MBNL2: variants seen among roughly 807,000 people sequenced by gnomAD.
MBNL2 encodes muscleblind like splicing regulator 2.
Under a neutral mutation model 41.9 loss-of-function variants are expected in MBNL2, and 17 were observed. The ratio of observed to expected loss-of-function variants is 0.41; its 90% CI spans 0.28 to 0.61. MBNL2 has a LOEUF of 0.61. MBNL2 is among the 20% of genes least tolerant of loss of function. MBNL2 has a pLI of 0.35. For missense variants in MBNL2, 336 were observed against 505.6 expected, an observed-to-expected ratio of 0.66 and a Z score of 3.22; for synonymous variants, 195 against 182.9, an observed-to-expected ratio of 1.07 and a Z score of -0.53.
chr13:97,187,625 AGG>A, the MBNL2 span, among the ~76,000 whole-genome samples: 1 of 132,474 alleles, frequency 7.5e-6, no homozygotes, highest in Non-Finnish European at 1.6e-5. Flanking sequence ...AAAAAAAAAG[AGG>A]CCGGGCGCGG....
In MBNL2 at chr13:97,270,869, T is replaced by C. The variant is rs574007550; in HGVS notation, c.-604-4763T>C. On this transcript the variant is annotated intron_variant, in intron 1 of 8. Transcript: ENST00000679496. ...ATCTAACCTAGCTCAAGTGGCTCTC[T>C]CCCTTTTCCCCACATCTGCCTGCCT... Among the ~76,000 whole-genome samples the C allele has an allele frequency of 3.7e-3, 556 of 152,298 alleles. 6 individuals are homozygous for C. Among genetic ancestry groups the C allele is most frequent in the African/African-American group, 0.013 (538 of 41,568 alleles).
intron 7 of MBNL2, among the ~76,000 whole-genome samples, chr13:97,363,252 T>C (rs1594268921): frequency 2.0e-5 from 3 of 152,058 alleles, no homozygotes; most frequent in African/African-American, 7.2e-5. Flanking sequence ...TACACAAACA[T>C]GGAAGCTCCT....
chr13:97,219,867 A>G (rs370539365), upstream of MBNL2, among the ~76,000 whole-genome samples: 22 of 152,344 alleles, frequency 1.4e-4, no homozygotes, highest in African/African-American at 5.1e-4. Context: ...TATTCAGGAG[A>G]CCAGTTAAGG....
intron 1 of MBNL2, among the ~76,000 whole-genome samples, chr13:97,274,807 T>A (rs1164742688): frequency 6.6e-6 from 1 of 152,226 alleles, no homozygotes; most frequent in Non-Finnish European, 1.5e-5. Flanking sequence ...ACATCTGAAC[T>A]TACTGACTAT....
chr13:97,143,174 C>A, the MBNL2 span, among the ~76,000 whole-genome samples: 8 of 152,226 alleles, frequency 5.3e-5, no homozygotes, highest in Non-Finnish European at 7.3e-5. Flanking sequence ...AGGAAGAATT[C>A]TCTAGTTGTA....
intron 1 of MBNL2, among the ~76,000 whole-genome samples, chr13:97,243,322 C>G (rs2152816985): frequency 6.6e-6 from 1 of 152,306 alleles, no homozygotes; most frequent in East Asian, 1.9e-4. Flanking sequence ...AAGTGAGTAG[C>G]CAGCATGTGT....
chr13:97,181,841 T>G, the MBNL2 span, among the ~76,000 whole-genome samples: 2 of 152,196 alleles, frequency 1.3e-5, no homozygotes, highest in Non-Finnish European at 2.9e-5. Context: ...TTATGTCCAA[T>G]GAGCTACTTG....
chr13:97,269,299 G>T (rs1199046056), intron 1 of MBNL2, among the ~76,000 whole-genome samples: 2 of 152,200 alleles, frequency 1.3e-5, no homozygotes, highest in East Asian at 1.9e-4. Flanking sequence ...CCTGTTCCCA[G>T]TGCAGCCTAG....
At chr13:97,161,241 A>G in the MBNL2 span, among the ~76,000 whole-genome samples, 2 of 152,206 alleles carry the variant, frequency 1.3e-5, no homozygotes, top group Admixed American at 1.3e-4. Flanking sequence ...GCTGGAGTGC[A>G]TACTCTGGTG....
At chr13:97,144,354 C>T in the MBNL2 span, among the ~76,000 whole-genome samples, 1 of 151,250 alleles carries the variant, frequency 6.6e-6, no homozygotes, top group Admixed American at 6.6e-5. Flanking sequence ...AGGACTATAA[C>T]CATGTTATCC....
At chr13:97,244,352 C>T (rs2044988018) in intron 1 of MBNL2, among the ~76,000 whole-genome samples, 1 of 152,170 alleles carries the variant, frequency 6.6e-6, no homozygotes, top group African/African-American at 2.4e-5. Context: ...AACAAATTGA[C>T]GGATGCAGAG....
chr13:97,349,658 G>A (rs970599158), intron 5 of MBNL2, among the ~76,000 whole-genome samples: 59 of 152,198 alleles, frequency 3.9e-4, no homozygotes, highest in Admixed American at 2.0e-4. Context: ...CTCCCGAGGA[G>A]CTGGGACCAC....
rs34820289 is a variant in MBNL2, at chr13:97,334,148, CCACACA to C, written c.175-105_175-100del. 64 of 547,192 alleles carry C rather than the reference CCACACA, an allele frequency of 1.2e-4. No individual in the cohort carries two copies. The highest frequency in any genetic ancestry group is 4.3e-4 in the Middle Eastern group (1 of 2,324). 33.9% of individuals were successfully genotyped at this position (547,192 alleles called of 1,614,324 possible). A position where few individuals can be genotyped will look rare whatever the true frequency, so the allele number is the denominator to read the frequency against. On this transcript the variant is annotated intron_variant, in intron 2 of 8. Coordinates refer to ENST00000679496, the MANE Select transcript of MBNL2 (RefSeq NM_001382683.1). The surrounding 1 kb of genome is among the most constrained non-coding windows in gnomAD (Gnocchi z 5.3). ...AACACATGAGCATGCGCGCGCACAC[CCACACA>C]CACACACACACACACACACACAGGA...
the MBNL2 span, among the ~76,000 whole-genome samples, chr13:97,180,546 G>C: frequency 0.096 from 14,499 of 151,786 alleles, 758 homozygotes; most frequent in South Asian, 0.17. Flanking sequence ...CCCAGCCTAG[G>C]CAACATGGTG....
the MBNL2 span, among the ~76,000 whole-genome samples, chr13:97,165,705 C>T: frequency 6.6e-6 from 1 of 152,198 alleles, no homozygotes; most frequent in Non-Finnish European, 1.5e-5. Flanking sequence ...CCCTAACATC[C>T]AGGACACTCC....
At chr13:97,386,403 A>T (rs1278753671) in intron 8 of MBNL2, among the ~76,000 whole-genome samples, 2 of 152,250 alleles carry the variant, frequency 1.3e-5, no homozygotes, top group African/African-American at 4.8e-5. Context: ...TTGGCAAATG[A>T]AAAGGTCAAG....
intron 8 of MBNL2, among the ~76,000 whole-genome samples, chr13:97,371,272 G>A (rs1190514200): frequency 6.6e-6 from 1 of 151,720 alleles, no homozygotes; most frequent in Non-Finnish European, 1.5e-5. Flanking sequence ...ATTCTTAAAG[G>A]CACAATTAAA....
intron 2 of MBNL2, among the ~76,000 whole-genome samples, chr13:97,309,614 G>A (rs1369703889): frequency 6.6e-6 from 1 of 152,126 alleles, no homozygotes; most frequent in African/African-American, 2.4e-5. Flanking sequence ...AGGGAATAAG[G>A]TTCTGTTGTT....
the MBNL2 span, among the ~76,000 whole-genome samples, chr13:97,168,550 T>C: frequency 6.6e-6 from 1 of 152,228 alleles, no homozygotes; most frequent in Non-Finnish European, 1.5e-5. Flanking sequence ...TGATTTGTTT[T>C]CCTGTGTCCC....
Sources: allele counts gnomAD v4.1 joint callset (sites outside exome capture counted in the v4.1 genomes callset), GRCh38; gene constraint gnomAD v4.1.1; non-coding constraint Gnocchi (gnomAD v3.1); transcripts MANE v1.5; gene names NCBI Gene and HGNC (gene_info 2026-07-23, HGNC 2026-07-21).